The following CDH8 variants were observed in gnomAD, a reference collection of about 807,000 sequenced individuals.
The protein encoded by CDH8 is cadherin 8.
In CDH8, 17 loss-of-function variants were observed where a neutral mutation model predicts 68.1. That is an observed-to-expected ratio of 0.25 (90% CI 0.17 to 0.37). The LOEUF is 0.37. Among genes scored for constraint, CDH8 ranks in the 10% least tolerant of loss-of-function variants. CDH8 has a pLI of 1.00. For synonymous variants in CDH8, 372 were observed against 365.1 expected (o/e 1.02, Z -0.21); for missense variants, 763 against 999.3 (o/e 0.76, Z 3.19).
chr16:61,648,819 A>G lies in CDH8; in HGVS notation c.*4789T>C, dbSNP rs1963260168. 1 of 151,984 alleles carries G rather than the reference A, an allele frequency of 6.6e-6. No individual in the cohort carries two copies. The highest frequency in any genetic ancestry group is 2.1e-4 in the South Asian group (1 of 4,832). 9.4% of individuals were successfully genotyped at this position (151,984 alleles called of 1,614,324 possible). The stretch of plus-strand genomic sequence containing the variant: ...TCAAGTCAGGAAATTTTTAAATTTT[A>G]TGTCCTCCATAACGCTAGGTCTGTG... On this transcript the variant is annotated 3_prime_UTR_variant, in exon 12 of 12. Transcript: ENST00000577390.
chr16:61,968,801 G>C (rs372197563), intron 2 of CDH8, among the ~76,000 whole-genome samples: 5 of 152,180 alleles, frequency 3.3e-5, no homozygotes, highest in Admixed American at 3.3e-4. Context: ...GGAGTTTGCC[G>C]ATCACAAGCA....
At chr16:61,937,760 T>C (rs1302667287) in intron 2 of CDH8, among the ~76,000 whole-genome samples, 3 of 152,156 alleles carry the variant, frequency 2.0e-5, no homozygotes, top group Admixed American at 1.3e-4. Context: ...GTCTATGAAG[T>C]GAACTGCTTG....
rs1208373722 is a variant in CDH8 at position 61,652,924 on chromosome 16, G to T, written c.*684C>A. The T allele has an allele frequency of 3.3e-6, 5 of 1,526,674 alleles. No individual in the cohort carries two copies. The East Asian group carries it at 1.2e-4, about 38-fold the overall frequency. The allele number at this position is 1,526,674 out of a possible 1,614,324, so 94.6% of individuals were successfully genotyped here. On this transcript the variant is annotated 3_prime_UTR_variant, in exon 12 of 12. Coordinates refer to ENST00000577390, the MANE Select transcript of CDH8 (RefSeq NM_001796.5). The stretch of plus-strand genomic sequence containing the variant: ...CTAGAAAACAAGCATGTTTGAATGG[G>T]ATTTCTCTCCTCCCACCACTGAATT...
chr16:61,801,805 G>C (rs948634008), intron 7 of CDH8, among the ~76,000 whole-genome samples: 1 of 152,210 alleles, frequency 6.6e-6, no homozygotes, highest in Non-Finnish European at 1.5e-5. Flanking sequence ...CACCTGGCTC[G>C]GAGGGCCCTA....
At position 61,959,980 on chromosome 16, in the gene CDH8, GTGTGTA is replaced by G. The variant is rs1464133348; in HGVS notation, c.253-58513_253-58508del. On this transcript the variant is annotated intron_variant, in intron 2 of 11. Transcript: ENST00000577390. Reference sequence around the variant, plus strand: ...CTCTGTATGTGGTGTATGTGTGTGTGTGTGTATATATATATATATATATATATATAT... The same window carrying G: ...CTCTGTATGTGGTGTATGTGTGTGTGTATATATATATATATATATATATAT... Among the ~76,000 whole-genome samples the G allele has an allele frequency of 6.8e-3, 255 of 37,382 alleles. 27 individuals are homozygous for G. The highest frequency in any genetic ancestry group is 0.019 in the Middle Eastern group (1 of 52). 24.5% of individuals were successfully genotyped at this position (37,382 alleles called of 152,430 possible).
chr16:61,865,587 T>C (rs1963238749), intron 3 of CDH8, among the ~76,000 whole-genome samples: 1 of 152,166 alleles, frequency 6.6e-6, no homozygotes, highest in Non-Finnish European at 1.5e-5. Flanking sequence ...TACCCACTGC[T>C]TTTGCAAACA....
At chr16:61,907,861 G>A (rs1964089141) in intron 2 of CDH8, among the ~76,000 whole-genome samples, 1 of 151,682 alleles carries the variant, frequency 6.6e-6, no homozygotes, top group Non-Finnish European at 1.5e-5. Flanking sequence ...TGGCTAACAC[G>A]GTGAAACCCT....
intron 2 of CDH8, among the ~76,000 whole-genome samples, chr16:61,904,047 T>A (rs920714901): frequency 1.6e-4 from 24 of 152,202 alleles, no homozygotes; most frequent in Admixed American, 1.5e-3. Flanking sequence ...GGGCCAATGA[T>A]AATCTCAGAA....
In CDH8 at chr16:61,901,176, T is replaced by C; in HGVS notation, c.547+3A>G. ...AGATCTGTGAAATTGGAAGCATACA[T>C]ACCCAAAATGGACATTTCTGGCACA... On this transcript the variant is annotated splice_donor_region_variant and intron_variant, in intron 3 of 11. Coordinates refer to ENST00000577390, the MANE Select transcript of CDH8 (RefSeq NM_001796.5). The C allele has an allele frequency of 1.9e-6, 3 of 1,611,634 alleles. No homozygotes were observed. Among genetic ancestry groups the C allele is most frequent in the East Asian group, 2.2e-5 (1 of 44,850 alleles).
At chr16:61,822,154 A>G (rs2143000816) in intron 5 of CDH8, among the ~76,000 whole-genome samples, 1 of 146,594 alleles carries the variant, frequency 6.8e-6, no homozygotes, top group East Asian at 2.0e-4. Flanking sequence ...GAGTTTCTCC[A>G]ATAAGATAAA....
intron 10 of CDH8, among the ~76,000 whole-genome samples, chr16:61,686,577 C>T (rs1964112628): frequency 6.6e-6 from 1 of 151,918 alleles, no homozygotes; most frequent in Non-Finnish European, 1.5e-5. Flanking sequence ...TTCCACCTAC[C>T]TACCCCGGGT....
intron 10 of CDH8, among the ~76,000 whole-genome samples, chr16:61,677,142 T>A (rs1163610367): frequency 6.6e-6 from 1 of 151,780 alleles, no homozygotes; most frequent in African/African-American, 2.4e-5. Flanking sequence ...TGTTTTTGTC[T>A]TCTCGCTCCA....
intron 10 of CDH8, among the ~76,000 whole-genome samples, chr16:61,700,073 T>C (rs1157153070): frequency 6.6e-6 from 1 of 152,204 alleles, no homozygotes; most frequent in Non-Finnish European, 1.5e-5. Context: ...TAGTTGGACA[T>C]AAACTGATGT....
At chr16:61,727,026 G>C in intron 9 of CDH8, 68 bp downstream of exon 9, 1 of 1,495,664 alleles carries the variant, frequency 6.7e-7, no homozygotes. Flanking sequence ...ACAATATAAT[G>C]CAGGTTAGTC....
Position 61,867,045 on chromosome 16 carries a change from C to CAA in CDH8, c.548-9809_548-9808dup, listed in dbSNP as rs1366552177. Among the ~76,000 whole-genome samples, 4 of 152,060 alleles carry CAA rather than the reference C, an allele frequency of 2.6e-5. 1 individual carries two copies. In the South Asian group the frequency reaches 8.3e-4, roughly 32 times the overall value. ...ACCCTCCCTTTTCCAATGTGAGAGA[C>CAA]AAAATCCTATCAAATTTCAAATGTG... On this transcript the variant is annotated intron_variant, in intron 3 of 11. Coordinates refer to ENST00000577390, the MANE Select transcript of CDH8 (RefSeq NM_001796.5).
At chr16:61,957,852 A>G (rs1210946545) in intron 2 of CDH8, among the ~76,000 whole-genome samples, 1 of 152,028 alleles carries the variant, frequency 6.6e-6, no homozygotes, top group Non-Finnish European at 1.5e-5. Context: ...CCTCTGGTTC[A>G]TCTCTATCAC....
At chr16:61,967,265 T>C (rs1278328277) in intron 2 of CDH8, among the ~76,000 whole-genome samples, 1 of 152,122 alleles carries the variant, frequency 6.6e-6, no homozygotes, top group Non-Finnish European at 1.5e-5. Context: ...AGTCATACAG[T>C]TTGTAAAAGG....
chr16:61,983,940 C>T (rs574012452), intron 2 of CDH8, among the ~76,000 whole-genome samples: 22 of 146,998 alleles, frequency 1.5e-4, no homozygotes, highest in Admixed American at 2.0e-4. Flanking sequence ...TTTTTCGAGA[C>T]GGAATCTCAC....
At chr16:61,877,305 T>TA (rs112231131) in intron 3 of CDH8, among the ~76,000 whole-genome samples, 51,366 of 148,488 alleles carry the variant, frequency 0.35, 10,791 homozygotes, top group African/African-American at 0.61. Context: ...TGGAATTATT[T>TA]AAAAAAAAAA....
Sources: gnomAD v4.1 joint callset for allele counts (sites outside exome capture counted in the v4.1 genomes callset) on GRCh38, gnomAD v4.1.1 for gene constraint, MANE v1.5 for transcripts, NCBI Gene and HGNC (gene_info 2026-07-23, HGNC 2026-07-21) for gene names.